CD244: variants seen among roughly 807,000 people sequenced by gnomAD.
CD244 encodes the protein natural killer cell receptor 2B4.
In CD244, 20 loss-of-function variants were observed where a neutral mutation model predicts 45.5. The ratio of observed to expected loss-of-function variants is 0.44; its 90% CI spans 0.31 to 0.64. The LOEUF (loss-of-function observed/expected upper bound fraction) is 0.64, where lower values mean the gene tolerates loss of function less well. CD244 is among the 30% of genes least tolerant of loss of function. The pLI is 0.08. For synonymous variants in CD244, 185 were observed against 160.5 expected, an observed-to-expected ratio of 1.15 and a Z score of -1.15; for missense variants, 407 against 426.9, an observed-to-expected ratio of 0.95 and a Z score of 0.41.
intron 1 of CD244, among the ~76,000 whole-genome samples, chr1:160,847,272 C>T (rs1466724683): frequency 2.6e-5 from 4 of 151,982 alleles, no homozygotes; most frequent in Non-Finnish European, 5.9e-5. Context: ...TTTATTACAT[C>T]TGTCTCTCTA....
In CD244 at chr1:160,840,198, G is replaced by A. The variant is rs374682908; in HGVS notation, c.655+1012C>T. On this transcript the variant is annotated intron_variant, in intron 3 of 8. Transcript: ENST00000368034. ...TGTCCAGGCTGGTCTCAAACACCTGGACTCAAGTGATCCACCTGCCTCAGC... is the reference window on the plus strand; with the variant it reads ...TGTCCAGGCTGGTCTCAAACACCTGAACTCAAGTGATCCACCTGCCTCAGC... Among the ~76,000 whole-genome samples the A allele has an allele frequency of 6.4e-4, 97 of 150,558 alleles. 3 individuals are homozygous for A. The South Asian group carries it at 0.019, about 29-fold the overall frequency.
In CD244 at chr1:160,841,834, G is replaced by A. The variant is rs1669556278; in HGVS notation, c.129C>T (p.Ser43=). ...SGVPLQLQPN[S]IQTKVDSIAW... is the part of the protein sequence containing the mutation. Reference sequence around the variant, plus strand: ...CAATGCTGTCAACCTTCGTCTGTATGCTGTTTGGTTGTAACTGAAGAGGCA... The same window carrying A: ...CAATGCTGTCAACCTTCGTCTGTATACTGTTTGGTTGTAACTGAAGAGGCA... Residue 43 remains serine, a synonymous_variant, in exon 2 of 9, where the codon AGC becomes AGT. Coordinates refer to ENST00000368034, the MANE Select transcript of CD244 (RefSeq NM_016382.4). The A allele has an allele frequency of 6.2e-7, 1 of 1,614,040 alleles. No individual in the cohort carries two copies. Among genetic ancestry groups the A allele is most frequent in the African/African-American group, 1.3e-5 (1 of 74,910 alleles).
At chr1:160,862,595 A>G (rs778536202) in intron 1 of CD244, 22 bp downstream of exon 1, 2 of 1,610,840 alleles carry the variant, frequency 1.2e-6, no homozygotes, top group South Asian at 1.1e-5. Context: ...CCCTCGCCCC[A>G]CGCCAGGTAG....
intron 1 of CD244, among the ~76,000 whole-genome samples, chr1:160,845,156 G>T: frequency 6.6e-6 from 1 of 152,002 alleles, no homozygotes. Context: ...CTGGATTTTG[G>T]AGTAGGTCAT....
intron 4 of CD244, 121 bp from the exon 5 acceptor site, chr1:160,838,639 A>G: frequency 2.6e-6 from 2 of 754,750 alleles, no homozygotes; most frequent in East Asian, 2.5e-5. Flanking sequence ...GAAAGGAGGC[A>G]AGTTAATGCT....
rs573493563 is a variant in CD244 at position 160,840,496 on chromosome 1, T to G, written c.655+714A>C. Among the ~76,000 whole-genome samples the G allele has an allele frequency of 6.3e-4, 95 of 151,546 alleles. 4 individuals are homozygous for G. In the South Asian group the frequency reaches 0.019, roughly 30 times the overall value. On this transcript the variant is annotated intron_variant, in intron 3 of 8. Transcript: ENST00000368034. ...CAGGCTGGTCTCAAACTCCTGACCT[T>G]GTGATCCACCCACCTCAGCCTCCCA...
chr1:160,835,613 A>G (rs558185190), intron 6 of CD244, among the ~76,000 whole-genome samples: 23 of 152,260 alleles, frequency 1.5e-4, no homozygotes, highest in Middle Eastern at 3.4e-3. Context: ...CCTGTCTCAT[A>G]ACGGGTATAC....
At chr1:160,841,929 A>G in intron 1 of CD244, 28 bp from the exon 2 acceptor site, 1 of 1,602,328 alleles carries the variant, frequency 6.2e-7, no homozygotes, top group Non-Finnish European at 8.5e-7. Flanking sequence ...AGCTGAAAGT[A>G]GCGGGAAGAG....
Position 160,836,032 on chromosome 1 carries a change from CGG to C in CD244, c.894+161_894+162del, listed in dbSNP as rs555598853. 7.0e-3 allele frequency among the ~76,000 whole-genome samples: 1,072 copies of C among 152,278 alleles called. 11 individuals carry two copies. The highest frequency in any genetic ancestry group is 0.025 in the African/African-American group (1,024 of 41,536). On this transcript the variant is annotated intron_variant, in intron 6 of 8. Transcript: ENST00000368034. Reference sequence around the variant, plus strand: ...TGTGTTAAGATGCTCTAGTATCACACGGATCTTTTCAAATAATGTGTTAATGC... The same window carrying C: ...TGTGTTAAGATGCTCTAGTATCACACATCTTTTCAAATAATGTGTTAATGC...
chr1:160,854,016 G>A (rs1670016257), intron 1 of CD244, among the ~76,000 whole-genome samples: 1 of 152,064 alleles, frequency 6.6e-6, no homozygotes, highest in Admixed American at 6.6e-5. Flanking sequence ...AAAGGAACAG[G>A]GAAGGTGGGT....
At chr1:160,843,160 T>C (rs1669607077) in intron 1 of CD244, among the ~76,000 whole-genome samples, 1 of 152,242 alleles carries the variant, frequency 6.6e-6, no homozygotes, top group Non-Finnish European at 1.5e-5. Context: ...ATTAAAGGAC[T>C]TGTAATACTA....
At chr1:160,847,748 C>T (rs956368005) in intron 1 of CD244, among the ~76,000 whole-genome samples, 2 of 151,768 alleles carry the variant, frequency 1.3e-5, no homozygotes, top group African/African-American at 4.8e-5. Flanking sequence ...AGAAAGTTTG[C>T]AAGTCAATAA....
At chr1:160,859,371 G>T (rs1032337217) in intron 1 of CD244, among the ~76,000 whole-genome samples, 28 of 152,300 alleles carry the variant, frequency 1.8e-4, no homozygotes, top group Non-Finnish European at 3.5e-4. Context: ...GAAAGAAGAA[G>T]TCTTTGGAAG....
At chr1:160,861,096 G>T (rs1037563355) in intron 1 of CD244, among the ~76,000 whole-genome samples, 1 of 152,192 alleles carries the variant, frequency 6.6e-6, no homozygotes, top group Non-Finnish European at 1.5e-5. Flanking sequence ...CATCCCCACA[G>T]CCAGGCACCA....
chr1:160,831,703 G>T (rs1669132939), intron 8 of CD244, among the ~76,000 whole-genome samples: 1 of 152,178 alleles, frequency 6.6e-6, no homozygotes, highest in African/African-American at 2.4e-5. Context: ...ACCCTGGGTT[G>T]TCCAGTTGGC....
rs534711680 is a variant in CD244, at chr1:160,839,468, T to C, written c.656-419A>G. Among the ~76,000 whole-genome samples the C allele has an allele frequency of 7.2e-5, 11 of 152,348 alleles. No homozygotes were observed. The East Asian group carries it at 1.2e-3, about 16-fold the overall frequency. Reference sequence around the variant, plus strand: ...TTTGAGTTCCACAATGTGGATTCAATGAATTGTGGATCCAGAATATTCAGG... The same window carrying C: ...TTTGAGTTCCACAATGTGGATTCAACGAATTGTGGATCCAGAATATTCAGG... On this transcript the variant is annotated intron_variant, in intron 3 of 8. Transcript: ENST00000368034.
intron 1 of CD244, 86 bp from the exon 2 acceptor site, chr1:160,841,987 C>A: frequency 1.8e-6 from 2 of 1,118,904 alleles, no homozygotes; most frequent in Admixed American, 1.9e-5. Flanking sequence ...TCCCTTAAGC[C>A]AATTGGGTGG....
chr1:160,832,743 A>G (rs1669170464), intron 7 of CD244, 168 bp from the exon 8 acceptor site: 2 of 1,426,612 alleles, frequency 1.4e-6, no homozygotes, highest in Non-Finnish European at 1.9e-6. Context: ...AATGGTGTTT[A>G]TGGTCTCCAG....
intron 1 of CD244, among the ~76,000 whole-genome samples, chr1:160,849,321 C>T (rs77864330): frequency 0.047 from 6,484 of 139,020 alleles, 221 homozygotes; most frequent in African/African-American, 0.1. Context: ...TTCTGGGATA[C>T]GTATGCAGAA....
Sources: gnomAD v4.1 joint callset for allele counts (sites outside exome capture counted in the v4.1 genomes callset) on GRCh38, gnomAD v4.1.1 for gene constraint, MANE v1.5 for transcripts, NCBI Gene and HGNC (gene_info 2026-07-23, HGNC 2026-07-21) for gene names.